BACH2: variants seen among roughly 807,000 people sequenced by gnomAD.
BACH2 encodes transcription regulator protein BACH2.
A neutral mutation model predicts 61.8 loss-of-function variants in BACH2; 5 were observed. The observed-to-expected ratio is 0.08, with a 90% CI of 0.04 to 0.17. The LOEUF is 0.17. Among genes scored for constraint, BACH2 ranks in the 10% least tolerant of loss-of-function variants. The pLI, the probability that BACH2 is intolerant of heterozygous loss-of-function variation, is 1.00. For synonymous variants in BACH2, 446 were observed against 440.1 expected (o/e 1.01, Z -0.17); for missense variants, 824 against 1,091.1 (o/e 0.76, Z 3.45).
rs556856750 is a variant in BACH2, at chr6:90,002,397, C to T, written c.243+6205G>A. Among the ~76,000 whole-genome samples, 29 of 152,284 alleles carry T rather than the reference C, an allele frequency of 1.9e-4. No homozygotes were observed. In the South Asian group the frequency reaches 6.0e-3, roughly 32 times the overall value. Reference sequence around the variant, plus strand: ...TTTTATCTCTAGGATAGACTTCTCCCATGAGTTCTGGCCATGTAAGTCCAA... The same window carrying T: ...TTTTATCTCTAGGATAGACTTCTCCTATGAGTTCTGGCCATGTAAGTCCAA... On this transcript the variant is annotated intron_variant, in intron 6 of 8. Transcript: ENST00000257749.
intron 3 of BACH2, among the ~76,000 whole-genome samples, chr6:90,209,672 T>A: frequency 6.6e-6 from 1 of 152,148 alleles, no homozygotes; most frequent in East Asian, 1.9e-4. Context: ...GAACATCATT[T>A]CCCTGAGGAA....
chr6:89,959,542 A>C (rs763536825), intron 6 of BACH2, among the ~76,000 whole-genome samples: 28 of 152,168 alleles, frequency 1.8e-4, no homozygotes, highest in Non-Finnish European at 3.7e-4. Flanking sequence ...ATTAAAAAAC[A>C]CCTAAAAAAA....
At chr6:90,248,750 T>G (rs1249515137) in intron 3 of BACH2, among the ~76,000 whole-genome samples, 5 of 152,206 alleles carry the variant, frequency 3.3e-5, no homozygotes, top group Non-Finnish European at 1.5e-5. Flanking sequence ...AGAGCCTGGC[T>G]GGGGCCAGGT....
chr6:90,255,996 C>A (rs1007228474), intron 2 of BACH2, among the ~76,000 whole-genome samples: 6 of 152,120 alleles, frequency 3.9e-5, no homozygotes, highest in African/African-American at 1.4e-4. Flanking sequence ...CGGAGACTTG[C>A]CCAAGTTTTC....
In BACH2 at chr6:90,262,619, A is replaced by C. The variant is rs1280064594; in HGVS notation, c.-353+9230T>G. 4.6e-5 allele frequency among the ~76,000 whole-genome samples: 7 copies of C among 152,228 alleles called. No homozygotes were observed. In the East Asian group the frequency reaches 1.3e-3, roughly 29 times the overall value. On this transcript the variant is annotated intron_variant, in intron 2 of 8. Coordinates refer to ENST00000257749, the MANE Select transcript of BACH2 (RefSeq NM_021813.4). ...TCACAAAATTTGCCTCTGAAAAACA[A>C]AATTATCACAGAGTAGCCAAAAACC...
chr6:90,003,386 C>T (rs960486729), intron 6 of BACH2, among the ~76,000 whole-genome samples: 21 of 152,298 alleles, frequency 1.4e-4, no homozygotes, highest in Non-Finnish European at 2.6e-4. Context: ...AAAAGTCACC[C>T]CCTTGAACAG....
chr6:89,939,692 T>A (rs1773293798), intron 7 of BACH2, among the ~76,000 whole-genome samples: 1 of 124,856 alleles, frequency 8.0e-6, no homozygotes, highest in Non-Finnish European at 1.6e-5. Flanking sequence ...TGAGACAGGG[T>A]CTTGCTCTGT....
At chr6:90,152,349 G>C (rs1169078218) in intron 4 of BACH2, among the ~76,000 whole-genome samples, 1 of 152,174 alleles carries the variant, frequency 6.6e-6, no homozygotes, top group Non-Finnish European at 1.5e-5. Context: ...AAATAAAGAG[G>C]CTTCCAGGTG....
At chr6:90,084,343 A>G (rs1781840464) in intron 5 of BACH2, among the ~76,000 whole-genome samples, 1 of 151,904 alleles carries the variant, frequency 6.6e-6, no homozygotes, top group Non-Finnish European at 1.5e-5. Flanking sequence ...TTCTCTGTGG[A>G]AAATGTGTCA....
At chr6:89,947,772 C>T (rs1055084195) in intron 7 of BACH2, among the ~76,000 whole-genome samples, 7 of 151,950 alleles carry the variant, frequency 4.6e-5, no homozygotes, top group South Asian at 4.2e-4. Flanking sequence ...GGGGTTTCAC[C>T]GTGTTAGCCA....
chr6:90,252,176 G>C (rs1770832317), intron 3 of BACH2, among the ~76,000 whole-genome samples: 1 of 152,108 alleles, frequency 6.6e-6, no homozygotes, highest in Non-Finnish European at 1.5e-5. Flanking sequence ...GACTGCCCGG[G>C]TATCCTTTTT....
At chr6:90,245,502 G>A (rs934746765) in intron 3 of BACH2, among the ~76,000 whole-genome samples, 15 of 152,190 alleles carry the variant, frequency 9.9e-5, no homozygotes, top group Admixed American at 6.5e-5. Context: ...GGCTGAGGTA[G>A]CCAGTGAACT....
intron 7 of BACH2, among the ~76,000 whole-genome samples, chr6:89,947,338 T>C (rs1234796026): frequency 2.0e-5 from 3 of 152,172 alleles, no homozygotes; most frequent in East Asian, 3.9e-4. Context: ...TAAAGCAGGT[T>C]ATCAACTCCT....
chr6:90,211,473 G>C (rs1394289334), intron 3 of BACH2, among the ~76,000 whole-genome samples: 1 of 152,180 alleles, frequency 6.6e-6, no homozygotes, highest in African/African-American at 2.4e-5. Context: ...ATCTACCATG[G>C]AGAGAAGCCT....
At chr6:90,065,608 G>A (rs539099992) in intron 5 of BACH2, among the ~76,000 whole-genome samples, 4 of 152,114 alleles carry the variant, frequency 2.6e-5, no homozygotes, top group South Asian at 2.1e-4. Context: ...GCTATGGTTC[G>A]CCTACCTCTA....
intron 5 of BACH2, among the ~76,000 whole-genome samples, chr6:90,072,453 A>G (rs1272959556): frequency 6.6e-6 from 1 of 152,112 alleles, no homozygotes; most frequent in Non-Finnish European, 1.5e-5. Context: ...ATATTTTAGG[A>G]TTTCCAAACT....
chr6:90,064,546 G>A (rs1780845451), intron 5 of BACH2, among the ~76,000 whole-genome samples: 1 of 152,194 alleles, frequency 6.6e-6, no homozygotes, highest in South Asian at 2.1e-4. Flanking sequence ...TGATGAAAGT[G>A]GGGCATTAGG....
intron 5 of BACH2, among the ~76,000 whole-genome samples, chr6:90,033,355 A>AG (rs1779106068): frequency 1.3e-5 from 2 of 151,648 alleles, no homozygotes; most frequent in African/African-American, 4.8e-5. Flanking sequence ...CTTAAATAAA[A>AG]AAAAAAAAAA....
intron 4 of BACH2, among the ~76,000 whole-genome samples, chr6:90,169,555 G>T (rs562766264): frequency 1.6e-4 from 25 of 152,304 alleles, no homozygotes; most frequent in African/African-American, 5.5e-4. Context: ...TCCCTCAGCT[G>T]ATGTGCTTGT....
Sources: allele counts gnomAD v4.1 joint callset (sites outside exome capture counted in the v4.1 genomes callset), GRCh38; gene constraint gnomAD v4.1.1; transcripts MANE v1.5; gene names NCBI Gene and HGNC (gene_info 2026-07-23, HGNC 2026-07-21).